CUL5: variants seen among roughly 807,000 people sequenced by gnomAD.
CUL5 encodes cullin-5.
Under a neutral mutation model 108.8 loss-of-function variants are expected in CUL5, and 26 were observed. The ratio of observed to expected loss-of-function variants is 0.24; its 90% CI spans 0.18 to 0.33. The LOEUF is 0.33. Among genes scored for constraint, CUL5 ranks in the 10% least tolerant of loss-of-function variants. The pLI, the probability that CUL5 is intolerant of heterozygous loss-of-function variation, is 1.00. For missense variants in CUL5, 524 were observed against 909.2 expected (o/e 0.58, Z 5.45); for synonymous variants, 334 against 298.0 (o/e 1.12, Z -1.25).
chr11:108,091,965 C>T (rs148547589), intron 13 of CUL5, among the ~76,000 whole-genome samples: 59 of 151,932 alleles, frequency 3.9e-4, no homozygotes, highest in African/African-American at 1.4e-3. Flanking sequence ...AACAATACTC[C>T]ATGTCTACAA....
chr11:108,106,419 G>A lies in CUL5; in HGVS notation c.*2035G>A, dbSNP rs1864802164. On this transcript the variant is annotated 3_prime_UTR_variant, in exon 19 of 19. Transcript: ENST00000393094. The stretch of plus-strand genomic sequence containing the variant: ...TGAAGGTGAATTTAATGCAAAAGTG[G>A]GTAACACTACATTCATAGCAAAGTT... 6.6e-6 allele frequency: 1 copy of A among 152,220 alleles called. No individual in the cohort carries two copies. Among genetic ancestry groups the A allele is most frequent in the South Asian group, 2.1e-4 (1 of 4,808 alleles). The allele number at this position is 152,220 out of a possible 1,614,324, so 9.4% of individuals were successfully genotyped here.
chr11:108,095,519 A>T lies in CUL5; in HGVS notation c.1744-11A>T. On this transcript the variant is annotated splice_polypyrimidine_tract_variant and intron_variant, in intron 15 of 18. Transcript: ENST00000393094. ...AGATTCTTTATTAAAAATCTGTTTT[A>T]TCTATTATAGATAACATTTAAGAAT... 2 of 1,533,552 alleles carry T rather than the reference A, an allele frequency of 1.3e-6. No individual in the cohort carries two copies. The highest frequency in any genetic ancestry group is 2.4e-5 in the South Asian group (2 of 85,078). 95.0% of individuals were successfully genotyped at this position (1,533,552 alleles called of 1,614,324 possible). A position where few individuals can be genotyped will look rare whatever the true frequency, so the allele number is the denominator to read the frequency against.
At chr11:108,051,623 T>A (rs975167814) in intron 4 of CUL5, among the ~76,000 whole-genome samples, 1 of 152,248 alleles carries the variant, frequency 6.6e-6, no homozygotes, top group Non-Finnish European at 1.5e-5. Context: ...ACTGATATAA[T>A]CACCAATGTT....
chr11:108,011,114 G>A (rs568650487), intron 1 of CUL5, among the ~76,000 whole-genome samples: 1 of 152,168 alleles, frequency 6.6e-6, no homozygotes, highest in Non-Finnish European at 1.5e-5. Context: ...AATTTTGTCC[G>A]TGATTCTGGA....
At chr11:108,051,841 A>G (rs1214381850) in intron 4 of CUL5, among the ~76,000 whole-genome samples, 2 of 152,340 alleles carry the variant, frequency 1.3e-5, no homozygotes, top group South Asian at 2.1e-4. Context: ...ATGTATTATC[A>G]TAGTTAATTT....
intron 2 of CUL5, among the ~76,000 whole-genome samples, chr11:108,040,601 G>C (rs901070631): frequency 1.8e-5 from 2 of 108,164 alleles, no homozygotes; most frequent in African/African-American, 7.3e-5. Context: ...GACAGAGTGA[G>C]ACTCCGTCTC....
intron 1 of CUL5, among the ~76,000 whole-genome samples, chr11:108,025,564 A>G (rs1000824461): frequency 5.3e-5 from 8 of 152,068 alleles, no homozygotes; most frequent in Non-Finnish European, 1.2e-4. Flanking sequence ...TGTGGACTCT[A>G]CCCAATGCCT....
Position 108,009,818 on chromosome 11 carries a change from G to A in CUL5, c.24+446G>A, listed in dbSNP as rs552931880. ...CCCCACTTCTTCCATTTCTGTTCTCGTTCTGTCTGCACGAAATTCCGAGTC... is the reference window on the plus strand; with the variant it reads ...CCCCACTTCTTCCATTTCTGTTCTCATTCTGTCTGCACGAAATTCCGAGTC... On this transcript the variant is annotated intron_variant, in intron 1 of 18. Transcript: ENST00000393094. Among the ~76,000 whole-genome samples the A allele has an allele frequency of 1.1e-4, 16 of 152,078 alleles. No individual in the cohort carries two copies. The East Asian group carries it at 2.1e-3, about 20-fold the overall frequency.
At chr11:108,015,591 A>G (rs1862164230) in intron 1 of CUL5, among the ~76,000 whole-genome samples, 1 of 152,224 alleles carries the variant, frequency 6.6e-6, no homozygotes, top group Admixed American at 6.5e-5. Context: ...AGATGGTTGC[A>G]TTCGACACAG....
chr11:108,029,937 G>T (rs1190215493), intron 1 of CUL5, among the ~76,000 whole-genome samples: 1 of 152,182 alleles, frequency 6.6e-6, no homozygotes, highest in Non-Finnish European at 1.5e-5. Flanking sequence ...AAAAGTGCTT[G>T]TGGAAATAGA....
chr11:108,033,775 C>T, intron 1 of CUL5, 27 bp from the exon 2 acceptor site: 1 of 1,385,950 alleles, frequency 7.2e-7, no homozygotes, highest in Admixed American at 2.0e-5. Flanking sequence ...TTAAATTAAA[C>T]TCCCTTTTAT....
intron 2 of CUL5, among the ~76,000 whole-genome samples, chr11:108,035,570 C>A (rs1320779553): frequency 4.9e-5 from 7 of 142,674 alleles, no homozygotes; most frequent in Non-Finnish European, 1.1e-4. Context: ...GAGACCCTGT[C>A]TCTTAAAAAA....
intron 3 of CUL5, among the ~76,000 whole-genome samples, chr11:108,047,179 T>C (rs1006789721): frequency 6.6e-6 from 1 of 151,978 alleles, no homozygotes; most frequent in African/African-American, 2.4e-5. Context: ...TACCCAAGCA[T>C]GATGGTGCAC....
At chr11:108,018,284 G>T (rs766708780) in intron 1 of CUL5, among the ~76,000 whole-genome samples, 1 of 152,212 alleles carries the variant, frequency 6.6e-6, no homozygotes, top group Non-Finnish European at 1.5e-5. Flanking sequence ...AATTGCAGTA[G>T]TAAGAATTAC....
intron 10 of CUL5, among the ~76,000 whole-genome samples, chr11:108,075,765 C>T (rs896626069): frequency 6.6e-6 from 1 of 152,168 alleles, no homozygotes; most frequent in Non-Finnish European, 1.5e-5. Flanking sequence ...TCTTGAACTC[C>T]TGCCTTAGCC....
Position 108,083,604 on chromosome 11 carries a change from A to G in CUL5, c.1179-4923A>G, listed in dbSNP as rs866731075. On this transcript the variant is annotated intron_variant, in intron 11 of 18. Transcript: ENST00000393094. ...CCACGAGTTTAAGACCAGTCAGGGCAATGTAGTGAGACCCATCTCTACAAA... is the reference window on the plus strand; with the variant it reads ...CCACGAGTTTAAGACCAGTCAGGGCGATGTAGTGAGACCCATCTCTACAAA... Among the ~76,000 whole-genome samples, 5 of 152,344 alleles carry G rather than the reference A, an allele frequency of 3.3e-5. No individual in the cohort carries two copies. In the South Asian group the frequency reaches 6.2e-4, roughly 19 times the overall value.
In CUL5 at chr11:108,107,272, T is replaced by C. The variant is rs948157341; in HGVS notation, c.*2888T>C. ...TTTTTATTAAATTTAATAGAAAATA[T>C]GACCTGAGTAGTTAAAAAGTATTTT... On this transcript the variant is annotated 3_prime_UTR_variant, in exon 19 of 19. Transcript: ENST00000393094. 3 of 152,562 alleles carry C rather than the reference T, an allele frequency of 2.0e-5. No homozygotes were observed. The highest frequency in any genetic ancestry group is 2.9e-5 in the Non-Finnish European group (2 of 68,028). 9.5% of individuals were successfully genotyped at this position (152,562 alleles called of 1,614,324 possible). A position where few individuals can be genotyped will look rare whatever the true frequency, so the allele number is the denominator to read the frequency against.
At chr11:108,033,453 G>A (rs1296377560) in intron 1 of CUL5, among the ~76,000 whole-genome samples, 2 of 152,080 alleles carry the variant, frequency 1.3e-5, no homozygotes, top group Non-Finnish European at 2.9e-5. Flanking sequence ...TCCCTGAATT[G>A]CATTATTAGC....
At chr11:108,073,029 C>CG (rs1491193479) in intron 9 of CUL5, among the ~76,000 whole-genome samples, 2 of 151,816 alleles carry the variant, frequency 1.3e-5, no homozygotes, top group East Asian at 1.9e-4. Context: ...GGTGAAACCC[C>CG]TCTCTACTAA....
Sources: gnomAD v4.1 joint callset for allele counts (sites outside exome capture counted in the v4.1 genomes callset) on GRCh38, gnomAD v4.1.1 for gene constraint, MANE v1.5 for transcripts, NCBI Gene and HGNC (gene_info 2026-07-23, HGNC 2026-07-21) for gene names.